Variants in LCK observed in about 807,000 individuals in gnomAD.
The protein encoded by LCK is LCK proto-oncogene, Src family tyrosine kinase, also known as tyrosine-protein kinase Lck.
Under a neutral mutation model 64.6 loss-of-function variants are expected in LCK, and 14 were observed. That is an observed-to-expected ratio of 0.22 (90% CI 0.14 to 0.34). LCK has a LOEUF of 0.34. Ranked by LOEUF, LCK falls within the 10% of genes least tolerant of loss-of-function variation. The pLI is 1.00. For synonymous variants in LCK, 277 were observed against 263.6 expected, an observed-to-expected ratio of 1.05 and a Z score of -0.49; for missense variants, 434 against 668.1, an observed-to-expected ratio of 0.65 and a Z score of 3.86.
At chr1:32,271,032 G>A (rs1313380426) in intron 1 of LCK, among the ~76,000 whole-genome samples, 5 of 135,752 alleles carry the variant, frequency 3.7e-5, no homozygotes, top group African/African-American at 1.1e-4. Flanking sequence ...ACAGGCTCTC[G>A]CTCTGTTATC....
chr1:32,259,289 T>TAAAAAAAAAAAAAAAAAA, intron 1 of LCK, among the ~76,000 whole-genome samples: 1 of 124,196 alleles, frequency 8.1e-6, no homozygotes, highest in East Asian at 2.3e-4. Flanking sequence ...GCTTCTCAGG[T>TAAAAAAAAAAAAAAAAAA]AAAAAAAAAA....
rs769163098 is a variant in LCK, at chr1:32,276,052, G to A, written c.620G>A (p.Arg207His). The stretch of plus-strand genomic sequence containing the variant: ...TTTCCCGGCCTGCATGAACTGGTCC[G>A]CCATTACACCAGTGAGCCCGACGGG... ...ITFPGLHELV[R>H]HYTNASDGLC... Residue 207 changes from arginine (R) to histidine (H), a missense_variant, in exon 7 of 13, where the codon CGC (arginine) becomes CAC (histidine). Arg to His is a conservative substitution (Grantham distance 29). Transcript: ENST00000336890. This position sits in a 1 kb window ranked among gnomAD's most constrained non-coding sequence, Gnocchi z 4.6. 1 of 1,613,940 alleles carries A rather than the reference G, an allele frequency of 6.2e-7. No individual in the cohort carries two copies. The highest frequency in any genetic ancestry group is 8.5e-7 in the Non-Finnish European group (1 of 1,179,972).
At chr1:32,280,018 T>C (rs766263414) in intron 11 of LCK, 24 bp downstream of exon 11, 54 of 1,613,798 alleles carry the variant, frequency 3.3e-5, no homozygotes, top group Non-Finnish European at 8.5e-6. Context: ...TTAAGGGTGG[T>C]CTGGGCCCTG....
intron 1 of LCK, among the ~76,000 whole-genome samples, chr1:32,270,346 C>T (rs1415831106): frequency 6.6e-6 from 1 of 151,032 alleles, no homozygotes; most frequent in East Asian, 1.9e-4. Context: ...CCAGGTGATC[C>T]ACCCACCTTG....
At chr1:32,270,504 C>G (rs1182296787) in intron 1 of LCK, among the ~76,000 whole-genome samples, 1 of 151,646 alleles carries the variant, frequency 6.6e-6, no homozygotes, top group East Asian at 1.9e-4. Context: ...AAGTGATTCT[C>G]CTGCCTCAGC....
chr1:32,269,039 G>A (rs1640006276), intron 1 of LCK, among the ~76,000 whole-genome samples: 1 of 151,192 alleles, frequency 6.6e-6, no homozygotes, highest in Admixed American at 6.6e-5. Flanking sequence ...GGAGGCTGAG[G>A]GAGGAGAGAC....
chr1:32,272,623 A>AAG (rs145594259), intron 1 of LCK, among the ~76,000 whole-genome samples: 1,240 of 122,876 alleles, frequency 0.01, 24 homozygotes, highest in African/African-American at 0.018. Context: ...GAGAGAGAGA[A>AAG]AGAGAGAGAG....
At chr1:32,268,630 ATAAATAAATAAG>A (rs1639993685) in intron 1 of LCK, among the ~76,000 whole-genome samples, 2 of 151,910 alleles carry the variant, frequency 1.3e-5, no homozygotes, top group African/African-American at 4.8e-5. Flanking sequence ...ATAAAAGTAA[ATAAATAAATAAG>A]TAAATAAATA....
chr1:32,278,796 G>A (rs1183051229), intron 9 of LCK, among the ~76,000 whole-genome samples: 4 of 152,220 alleles, frequency 2.6e-5, no homozygotes, highest in South Asian at 4.2e-4. Flanking sequence ...CTGTGTGTAG[G>A]TGAGGTCTTT....
rs370140301 is a variant in LCK at position 32,253,919 on chromosome 1, ATG to A, written c.-6+2552_-6+2553del. Among the ~76,000 whole-genome samples the A allele has an allele frequency of 2.0e-5, 3 of 152,168 alleles. No individual in the cohort carries two copies. The South Asian group carries it at 6.2e-4, about 32-fold the overall frequency. On this transcript the variant is annotated intron_variant, in intron 1 of 12. Transcript: ENST00000336890. ...ATCATGGGAAAATCTACGTGTACAG[ATG>A]TGTTCAGAGGCAGGGCAGGGGCTAC...
rs375477745 is a variant in LCK at position 32,275,317 on chromosome 1, G to T, written c.279-4G>T. Reference sequence around the variant, plus strand: ...AGCCACACTGACCCACCTCCGTGGCGCAGGAGCGGCGAGTGGTGGAAGGCG... The same window carrying T: ...AGCCACACTGACCCACCTCCGTGGCTCAGGAGCGGCGAGTGGTGGAAGGCG... On this transcript the variant is annotated splice_region_variant and splice_polypyrimidine_tract_variant and intron_variant, in intron 4 of 12. Transcript: ENST00000336890. The surrounding 1 kb of genome is among the most constrained non-coding windows in gnomAD (Gnocchi z 6.9). 2.5e-6 allele frequency: 4 copies of T among 1,614,012 alleles called. No individual in the cohort carries two copies. The highest frequency in any genetic ancestry group is 1.7e-4 in the Middle Eastern group (1 of 6,058).
Position 32,276,033 on chromosome 1 carries a change from G to T in LCK, c.601G>T (p.Gly201Cys). Residue 201 changes from glycine to cysteine, a missense_variant, in exon 7 of 13, where the codon GGC becomes TGC. Gly to Cys is a radical substitution (Grantham distance 159). Coordinates refer to ENST00000336890, the MANE Select transcript of LCK (RefSeq NM_005356.5). This position sits in a 1 kb window ranked among gnomAD's most constrained non-coding sequence, Gnocchi z 4.6. ...CATCTCCCCTCGAATCACTTTTCCCGGCCTGCATGAACTGGTCCGCCATTA... is the reference window on the plus strand; with the variant it reads ...CATCTCCCCTCGAATCACTTTTCCCTGCCTGCATGAACTGGTCCGCCATTA... ...FYISPRITFP[G>C]LHELVRHYTN... 1 of 1,613,996 alleles carries T rather than the reference G, an allele frequency of 6.2e-7. No homozygotes were observed.
intron 3 of LCK, 43 bp downstream of exon 3, chr1:32,274,861 C>A (rs746385942): frequency 6.2e-7 from 1 of 1,613,906 alleles, no homozygotes; most frequent in Non-Finnish European, 8.5e-7. Flanking sequence ...GCCTGCGGAT[C>A]CCTGGCTGTT....
intron 12 of LCK, among the ~76,000 whole-genome samples, chr1:32,280,540 C>G (rs986034994): frequency 1.5e-5 from 2 of 135,510 alleles, no homozygotes; most frequent in Non-Finnish European, 3.1e-5. Flanking sequence ...ACTGCAACCT[C>G]TGCCTCCTGG....
At chr1:32,256,061 C>A (rs1329165254) in intron 1 of LCK, among the ~76,000 whole-genome samples, 1 of 151,954 alleles carries the variant, frequency 6.6e-6, no homozygotes. Flanking sequence ...TGAGACTAGG[C>A]ATTCAAGACT....
At position 32,275,090 on chromosome 1, in the gene LCK, C is replaced by T. The variant is rs763419572; in HGVS notation, c.278+7C>T. Reference sequence around the variant, plus strand: ...AGCTCCGCATCCTGGAGCAGTGAGTCCCTCTCCACCTTGCTCTGGCGGAGT... The same window carrying T: ...AGCTCCGCATCCTGGAGCAGTGAGTTCCTCTCCACCTTGCTCTGGCGGAGT... On this transcript the variant is annotated splice_region_variant and intron_variant, in intron 4 of 12. Coordinates refer to ENST00000336890, the MANE Select transcript of LCK (RefSeq NM_005356.5). This position sits in a 1 kb window ranked among gnomAD's most constrained non-coding sequence, Gnocchi z 6.9. The T allele has an allele frequency of 1.2e-6, 2 of 1,603,776 alleles. No individual in the cohort carries two copies. The highest frequency in any genetic ancestry group is 1.7e-5 in the Admixed American group (1 of 59,682).
rs770894871 is a variant in LCK at position 32,258,288 on chromosome 1, G to GA, written c.-6+6931dup. Among the ~76,000 whole-genome samples, 959 of 127,182 alleles carry GA rather than the reference G, an allele frequency of 7.5e-3. 5 individuals carry two copies. The highest frequency in any genetic ancestry group is 0.019 in the African/African-American group (676 of 34,670). The allele number at this position is 127,182 out of a possible 152,430, so 83.4% of individuals were successfully genotyped here. Reference sequence around the variant, plus strand: ...ACAGAGTGAGATCCCATCTCTAAAGGAAAAAAAAAAAAAAGAGAGAGAGCG... The same window carrying GA: ...ACAGAGTGAGATCCCATCTCTAAAGGAAAAAAAAAAAAAAAGAGAGAGAGCG... On this transcript the variant is annotated intron_variant, in intron 1 of 12. Coordinates refer to ENST00000336890, the MANE Select transcript of LCK (RefSeq NM_005356.5).
At chr1:32,272,631 G>GAGAGAGAGAA (rs1442123193) in intron 1 of LCK, among the ~76,000 whole-genome samples, 8 of 147,206 alleles carry the variant, frequency 5.4e-5, no homozygotes, top group South Asian at 2.1e-4. Context: ...GAAAGAGAGA[G>GAGAGAGAGAA]AGAGAGAGAG....
At chr1:32,256,454 C>G (rs182815127) in intron 1 of LCK, among the ~76,000 whole-genome samples, 1 of 151,984 alleles carries the variant, frequency 6.6e-6, no homozygotes, top group Non-Finnish European at 1.5e-5. Context: ...ACAAATTAGC[C>G]AGGCGTGGTG....
Sources: allele counts gnomAD v4.1 joint callset (sites outside exome capture counted in the v4.1 genomes callset), GRCh38; gene constraint gnomAD v4.1.1; non-coding constraint Gnocchi (gnomAD v3.1); transcripts MANE v1.5; gene names NCBI Gene and HGNC (gene_info 2026-07-23, HGNC 2026-07-21).